Variants in CSMD1 observed in about 807,000 individuals in gnomAD.
CSMD1 encodes the protein CUB and Sushi multiple domains 1, also known as CUB and sushi domain-containing protein 1.
A neutral mutation model predicts 417.5 loss-of-function variants in CSMD1; 213 were observed. The observed-to-expected ratio is 0.51, with a 90% CI of 0.46 to 0.57. The LOEUF (loss-of-function observed/expected upper bound fraction) is 0.57. CSMD1 is among the 20% of genes least tolerant of loss of function. The probability of loss-of-function intolerance (pLI) is 0.00; values close to 1 mark genes in which losing one functional copy is unlikely to be tolerated. For synonymous variants in CSMD1, 2,862 were observed against 1,736.8 expected (o/e 1.65, Z -16.11); for missense variants, 6,923 against 4,529.7 (o/e 1.53, Z -15.17).
intron 23 of CSMD1, among the ~76,000 whole-genome samples, chr8:3,323,474 A>C (rs1377472966): frequency 6.6e-6 from 1 of 152,104 alleles, no homozygotes; most frequent in Non-Finnish European, 1.5e-5. Context: ...CACATACTCC[A>C]CACCCATGAT....
chr8:3,343,271 T>C, intron 23 of CSMD1, 23 bp downstream of exon 23: 1 of 1,603,124 alleles, frequency 6.2e-7, no homozygotes, highest in Non-Finnish European at 8.5e-7. Flanking sequence ...AAAAAGAACG[T>C]GATTAAGTCG....
chr8:3,385,234 T>G (rs1810932786), intron 18 of CSMD1, among the ~76,000 whole-genome samples: 1 of 148,222 alleles, frequency 6.7e-6, no homozygotes, highest in Non-Finnish European at 1.5e-5. Context: ...CATGCATATC[T>G]ATGAATGCAT....
intron 3 of CSMD1, among the ~76,000 whole-genome samples, chr8:4,305,202 T>C (rs1429729056): frequency 6.6e-6 from 1 of 152,100 alleles, no homozygotes; most frequent in East Asian, 1.9e-4. Flanking sequence ...ACAAACACAC[T>C]CCCCAACAGA....
At chr8:3,392,526 C>A (rs1457302367) in intron 17 of CSMD1, among the ~76,000 whole-genome samples, 2 of 152,128 alleles carry the variant, frequency 1.3e-5, no homozygotes, top group East Asian at 3.9e-4. Flanking sequence ...GTTCCTTTAA[C>A]CCTCCGTGAC....
chr8:4,477,850 C>T (rs187070592), intron 2 of CSMD1, among the ~76,000 whole-genome samples: 3 of 152,318 alleles, frequency 2.0e-5, no homozygotes, highest in African/African-American at 7.2e-5. Context: ...TTTGCTTTAA[C>T]TGGACATAAA....
chr8:4,792,018 C>T (rs373719362), intron 1 of CSMD1, among the ~76,000 whole-genome samples: 4 of 151,988 alleles, frequency 2.6e-5, no homozygotes, highest in East Asian at 3.9e-4. Flanking sequence ...ATCCTAAATC[C>T]TATCTCACTA....
At chr8:4,091,185 C>T (rs969857485) in intron 3 of CSMD1, among the ~76,000 whole-genome samples, 2 of 152,054 alleles carry the variant, frequency 1.3e-5, no homozygotes, top group Non-Finnish European at 2.9e-5. Flanking sequence ...TCCCAAAGTG[C>T]TGGGATTACG....
intron 3 of CSMD1, among the ~76,000 whole-genome samples, chr8:4,204,023 C>T (rs1263219327): frequency 6.6e-6 from 1 of 152,146 alleles, no homozygotes; most frequent in African/African-American, 2.4e-5. Flanking sequence ...ATCACTTGAG[C>T]CCAGTGGGCA....
intron 37 of CSMD1, among the ~76,000 whole-genome samples, chr8:3,163,451 G>A (rs1182379412): frequency 6.6e-6 from 1 of 151,716 alleles, no homozygotes; most frequent in African/African-American, 2.4e-5. Context: ...GGTCCACTCA[G>A]GGGCAGTCCC....
chr8:4,455,463 G>A (rs1163726621), intron 2 of CSMD1, among the ~76,000 whole-genome samples: 1 of 152,184 alleles, frequency 6.6e-6, no homozygotes, highest in East Asian at 1.9e-4. Flanking sequence ...CAGCCACCTT[G>A]CTTGACAGCA....
intron 5 of CSMD1, among the ~76,000 whole-genome samples, chr8:3,904,494 C>A (rs563014195): frequency 2.0e-5 from 3 of 152,180 alleles, no homozygotes; most frequent in Non-Finnish European, 1.5e-5. Flanking sequence ...TTCTACGGTG[C>A]GGCTTGGTAT....
intron 2 of CSMD1, among the ~76,000 whole-genome samples, chr8:4,603,979 C>T (rs1800733195): frequency 2.6e-5 from 4 of 152,000 alleles, no homozygotes; most frequent in African/African-American, 7.2e-5. Context: ...TACAAATTGA[C>T]ATGTTATAAT....
chr8:4,201,934 T>C (rs898902397), intron 3 of CSMD1, among the ~76,000 whole-genome samples: 19 of 151,634 alleles, frequency 1.3e-4, no homozygotes, highest in African/African-American at 1.7e-4. Context: ...ATAGCATTTA[T>C]TCAAGCCAAC....
intron 1 of CSMD1, among the ~76,000 whole-genome samples, chr8:4,849,013 C>T (rs1801311706): frequency 6.6e-6 from 1 of 151,592 alleles, no homozygotes; most frequent in South Asian, 2.1e-4. Flanking sequence ...AAAGCGTTGT[C>T]ATCCTAGGAG....
At chr8:3,276,530 C>G (rs998760604) in intron 26 of CSMD1, among the ~76,000 whole-genome samples, 1 of 152,168 alleles carries the variant, frequency 6.6e-6, no homozygotes, top group East Asian at 1.9e-4. Context: ...ATCATGAGAA[C>G]AGCAGAAGAA....
intron 23 of CSMD1, among the ~76,000 whole-genome samples, chr8:3,315,460 G>GTGTT (rs370216684): frequency 0.066 from 10,042 of 151,562 alleles, 419 homozygotes; most frequent in Non-Finnish European, 0.087. Flanking sequence ...GTGTGTGTGT[G>GTGTT]TGATTTTTAA....
intron 5 of CSMD1, among the ~76,000 whole-genome samples, chr8:3,972,573 C>G (rs1047558910): frequency 6.6e-6 from 1 of 152,154 alleles, no homozygotes; most frequent in Non-Finnish European, 1.5e-5. Flanking sequence ...GCCTCTTATG[C>G]TATTCATCTT....
chr8:3,094,780 C>G (rs1815181267), intron 47 of CSMD1, among the ~76,000 whole-genome samples: 1 of 107,042 alleles, frequency 9.3e-6, no homozygotes, highest in Admixed American at 1.2e-4. Context: ...CACCTATGAA[C>G]TATAAAAGAG....
chr8:4,914,690 C>T (rs1190755245), intron 1 of CSMD1, among the ~76,000 whole-genome samples: 1 of 151,650 alleles, frequency 6.6e-6, no homozygotes, highest in Non-Finnish European at 1.5e-5. Context: ...TGAAAATGAA[C>T]TCGGAAAAGG....
Sources: gnomAD v4.1 joint callset for allele counts (sites outside exome capture counted in the v4.1 genomes callset) on GRCh38, gnomAD v4.1.1 for gene constraint, MANE v1.5 for transcripts, NCBI Gene and HGNC (gene_info 2026-07-23, HGNC 2026-07-21) for gene names.